B3GALT1: variants seen among roughly 807,000 people sequenced by gnomAD.
The protein encoded by B3GALT1 is UDP-Gal:betaGlcNAc beta 1,3-galactosyltransferase, polypeptide 1.
B3GALT1 carries 10 observed loss-of-function variants against 23.2 expected under a neutral mutation model. That is an observed-to-expected ratio of 0.43 (90% CI 0.27 to 0.73). The LOEUF is 0.73. Ranked by LOEUF, B3GALT1 falls within the 30% of genes least tolerant of loss-of-function variation. The pLI, the probability that B3GALT1 is intolerant of heterozygous loss-of-function variation, is 0.21. For missense variants in B3GALT1, 299 were observed against 405.4 expected, an observed-to-expected ratio of 0.74 and a Z score of 2.25; for synonymous variants, 156 against 141.5, an observed-to-expected ratio of 1.10 and a Z score of -0.73.
intron 4 of B3GALT1, among the ~76,000 whole-genome samples, chr2:167,837,399 T>G (rs1445989188): frequency 6.6e-6 from 1 of 151,240 alleles, no homozygotes; most frequent in Non-Finnish European, 1.5e-5. Context: ...AAAACAGACT[T>G]TAAACCAACA....
intron 3 of B3GALT1, among the ~76,000 whole-genome samples, chr2:167,768,721 G>A (rs762170441): frequency 1.2e-4 from 18 of 152,116 alleles, no homozygotes; most frequent in Non-Finnish European, 1.8e-4. Context: ...TCTTGGCATC[G>A]TCACCAAAAA....
At chr2:167,602,328 G>A (rs573412938) in intron 2 of B3GALT1, among the ~76,000 whole-genome samples, 1 of 152,302 alleles carries the variant, frequency 6.6e-6, no homozygotes, top group African/African-American at 2.4e-5. Flanking sequence ...TAGAGAGACA[G>A]AGAGCTGCAG....
intron 1 of B3GALT1, among the ~76,000 whole-genome samples, chr2:167,430,178 G>A (rs74506569): frequency 0.012 from 1,826 of 152,310 alleles, 42 homozygotes; most frequent in African/African-American, 0.039. Flanking sequence ...GAGAATAGGC[G>A]TGAGGCTCTT....
At chr2:167,720,208 A>T (rs1687210443) in intron 3 of B3GALT1, among the ~76,000 whole-genome samples, 1 of 152,194 alleles carries the variant, frequency 6.6e-6, no homozygotes, top group African/African-American at 2.4e-5. Flanking sequence ...TTTTCTACGT[A>T]GGAATTGGCT....
intron 1 of B3GALT1, among the ~76,000 whole-genome samples, chr2:167,417,142 T>G (rs1698484812): frequency 6.6e-6 from 1 of 152,170 alleles, no homozygotes; most frequent in Non-Finnish European, 1.5e-5. Context: ...CCCTTCAAAA[T>G]TCATGTTGAC....
At chr2:167,715,718 C>T (rs1412967686) in intron 3 of B3GALT1, 3 of 1,613,052 alleles carry the variant, frequency 1.9e-6, no homozygotes, top group African/African-American at 2.7e-5. Context: ...CTTCTCAAAG[C>T]TGGCATCCTC....
intron 2 of B3GALT1, among the ~76,000 whole-genome samples, chr2:167,634,170 T>C (rs570410845): frequency 6.6e-6 from 1 of 152,124 alleles, no homozygotes; most frequent in African/African-American, 2.4e-5. Context: ...ATACACAACA[T>C]AGCAGAATCT....
intron 2 of B3GALT1, among the ~76,000 whole-genome samples, chr2:167,597,853 C>A (rs1684807428): frequency 6.6e-6 from 1 of 152,132 alleles, no homozygotes; most frequent in Admixed American, 6.5e-5. Context: ...TTGCTTCCCC[C>A]AAAATAGTTA....
At chr2:167,334,584 A>C (rs1697030491) in intron 1 of B3GALT1, among the ~76,000 whole-genome samples, 1 of 152,192 alleles carries the variant, frequency 6.6e-6, no homozygotes, top group Admixed American at 6.5e-5. Flanking sequence ...TTGAAGGAAG[A>C]AGTTGAAATG....
chr2:167,600,525 C>G (rs747128090), intron 2 of B3GALT1, among the ~76,000 whole-genome samples: 2 of 152,298 alleles, frequency 1.3e-5, no homozygotes, highest in Non-Finnish European at 2.9e-5. Context: ...TGGTACCGCT[C>G]CACCATCCTC....
intron 2 of B3GALT1, among the ~76,000 whole-genome samples, chr2:167,579,793 G>C (rs1042365188): frequency 6.6e-6 from 1 of 152,020 alleles, no homozygotes; most frequent in Admixed American, 6.6e-5. Context: ...CTTTAGAGAA[G>C]GCAGGGATTA....
chr2:167,734,079 TTTCCCTG>T (rs1687454452), intron 3 of B3GALT1, among the ~76,000 whole-genome samples: 1 of 152,192 alleles, frequency 6.6e-6, no homozygotes, highest in Admixed American at 6.5e-5. Context: ...AACATGTCAC[TTTCCCTG>T]TGCACAGGCA....
In B3GALT1 at chr2:167,293,136, CG is replaced by C. The variant is rs1243592189; in HGVS notation, c.-708del. The C allele has an allele frequency of 2.6e-5, 4 of 151,318 alleles. No individual in the cohort carries two copies. The highest frequency in any genetic ancestry group is 9.7e-5 in the African/African-American group (4 of 41,334). 9.4% of individuals were successfully genotyped at this position (151,318 alleles called of 1,614,324 possible). On this transcript the variant is annotated 5_prime_UTR_variant, in exon 1 of 5. Transcript: ENST00000392690. ...GCTGCCCACCCCGCCGCGCCGCCGG[CG>C]CTGCCGGTCTTGCAGGCGGCCGCCG...
At chr2:167,555,493 C>T (rs1201109269) in intron 2 of B3GALT1, among the ~76,000 whole-genome samples, 2 of 152,152 alleles carry the variant, frequency 1.3e-5, no homozygotes, top group African/African-American at 4.8e-5. Context: ...CTACTTGTCA[C>T]TGAATTACCA....
intron 3 of B3GALT1, among the ~76,000 whole-genome samples, chr2:167,801,769 A>C (rs1688642340): frequency 6.6e-6 from 1 of 152,222 alleles, no homozygotes; most frequent in African/African-American, 2.4e-5. Flanking sequence ...AACCTGGAGT[A>C]ATTCAGCATG....
rs1690359131 is a variant in B3GALT1 at position 167,871,992 on chromosome 2, C to T, written c.*1972C>T. ...TCTCGGCTCACTGCAAGCTCCGCCTCCCGGGTTCACGCCATTCTCCTGCCT... is the reference window on the plus strand; with the variant it reads ...TCTCGGCTCACTGCAAGCTCCGCCTTCCGGGTTCACGCCATTCTCCTGCCT... On this transcript the variant is annotated 3_prime_UTR_variant, in exon 5 of 5. Transcript: ENST00000392690. 6.7e-6 allele frequency: 1 copy of T among 149,178 alleles called. No homozygotes were observed. The highest frequency in any genetic ancestry group is 6.7e-5 in the Admixed American group (1 of 14,858). The allele number at this position is 149,178 out of a possible 1,614,324, so 9.2% of individuals were successfully genotyped here.
rs1688397747 is a variant in B3GALT1, at chr2:167,789,447, GTC to G, written c.-351-29223_-351-29222del. 3.3e-5 allele frequency among the ~76,000 whole-genome samples: 5 copies of G among 152,248 alleles called. No homozygotes were observed. The South Asian group carries it at 1.0e-3, about 32-fold the overall frequency. ...AGCATGATATCTGCTTTATAGGATT[GTC>G]TTAAGGATTAAATGATAAGAGCATA... On this transcript the variant is annotated intron_variant, in intron 3 of 4. Coordinates refer to ENST00000392690, the MANE Select transcript of B3GALT1 (RefSeq NM_020981.4).
intron 1 of B3GALT1, among the ~76,000 whole-genome samples, chr2:167,354,269 T>G (rs530760615): frequency 2.0e-5 from 3 of 152,260 alleles, no homozygotes; most frequent in Non-Finnish European, 4.4e-5. Context: ...TATTACTAAC[T>G]TTTCTTATTT....
intron 3 of B3GALT1, among the ~76,000 whole-genome samples, chr2:167,672,318 A>G (rs1477405498): frequency 6.6e-6 from 1 of 152,132 alleles, no homozygotes; most frequent in Non-Finnish European, 1.5e-5. Flanking sequence ...TATTTTCTCA[A>G]TTTACTAAAA....
Sources: allele counts gnomAD v4.1 joint callset (sites outside exome capture counted in the v4.1 genomes callset), GRCh38; gene constraint gnomAD v4.1.1; transcripts MANE v1.5; gene names NCBI Gene and HGNC (gene_info 2026-07-23, HGNC 2026-07-21).